The following RBM39 variants were observed in gnomAD, a reference collection of about 807,000 sequenced individuals.
RBM39 encodes RNA binding motif protein 39, also known as RNA-binding protein 39.
In RBM39, 12 loss-of-function variants were observed where a neutral mutation model predicts 79.6. The ratio of observed to expected loss-of-function variants is 0.15; its 90% confidence interval spans 0.10 to 0.24. The LOEUF is 0.24. RBM39 is among the 10% of genes least tolerant of loss of function. RBM39 has a pLI of 1.00. For synonymous variants in RBM39, 185 were observed against 208.4 expected, an observed-to-expected ratio of 0.89 and a Z score of 0.97; for missense variants, 243 against 653.4, an observed-to-expected ratio of 0.37 and a Z score of 6.85.
chr20:35,740,917 T>C (rs914143506), intron 1 of RBM39, 30 bp from the exon 2 acceptor site: 7 of 1,512,160 alleles, frequency 4.6e-6, no homozygotes, highest in Non-Finnish European at 6.4e-6. Flanking sequence ...ATTTCTTGAG[T>C]AAACATTTCT....
chr20:35,732,507 G>A (rs1324358570), intron 3 of RBM39: 2 of 212,910 alleles, frequency 9.4e-6, no homozygotes, highest in African/African-American at 4.6e-5. Flanking sequence ...AGTGAGCCAA[G>A]ATCCCGCCAC....
chr20:35,723,075 T>C (rs1387912503), intron 8 of RBM39, among the ~76,000 whole-genome samples: 1 of 152,170 alleles, frequency 6.6e-6, no homozygotes, highest in Non-Finnish European at 1.5e-5. Flanking sequence ...CTGGAATTGT[T>C]AGACACAACC....
chr20:35,726,265 G>C (rs773714307), intron 6 of RBM39, among the ~76,000 whole-genome samples: 36 of 152,200 alleles, frequency 2.4e-4, no homozygotes, highest in Non-Finnish European at 5.1e-4. Context: ...CCGAGTAGCT[G>C]GGACTACAGG....
At chr20:35,731,824 C>A in intron 4 of RBM39, 117 bp downstream of exon 4, 2 of 972,214 alleles carry the variant, frequency 2.1e-6, no homozygotes, top group South Asian at 3.0e-5. Context: ...TAATTCAATA[C>A]TTTTTAACCA....
At chr20:35,714,643 G>T (rs1239728425) in intron 10 of RBM39, among the ~76,000 whole-genome samples, 1 of 152,124 alleles carries the variant, frequency 6.6e-6, no homozygotes, top group Admixed American at 6.5e-5. Flanking sequence ...AGAACATGGG[G>T]ATTGTGGTTA....
intron 4 of RBM39, among the ~76,000 whole-genome samples, chr20:35,730,294 C>T (rs1007300662): frequency 2.0e-5 from 3 of 152,290 alleles, no homozygotes; most frequent in African/African-American, 4.8e-5. Flanking sequence ...ACCAGGCTAA[C>T]TTAAAGGGAC....
At chr20:35,722,791 G>A (rs1600509144) in intron 8 of RBM39, among the ~76,000 whole-genome samples, 2 of 151,914 alleles carry the variant, frequency 1.3e-5, no homozygotes, top group Non-Finnish European at 2.9e-5. Flanking sequence ...AAAATTAGCC[G>A]GGCGTGGTGG....
chr20:35,728,251 A>G (rs2038977500), intron 6 of RBM39, among the ~76,000 whole-genome samples: 1 of 152,220 alleles, frequency 6.6e-6, no homozygotes, highest in Non-Finnish European at 1.5e-5. Context: ...GCTATTTCAA[A>G]TAACTCATTA....
At chr20:35,719,162 C>G (rs1440525343) in intron 9 of RBM39, among the ~76,000 whole-genome samples, 1 of 152,028 alleles carries the variant, frequency 6.6e-6, no homozygotes, top group Non-Finnish European at 1.5e-5. Context: ...CCAGAGTAAG[C>G]TGGAACTACA....
At chr20:35,721,930 A>C (rs1479821565) in intron 8 of RBM39, 53 bp from the exon 9 acceptor site, 90 of 1,559,120 alleles carry the variant, frequency 5.8e-5, no homozygotes, top group Non-Finnish European at 7.6e-5. Flanking sequence ...GTTTAAAGAC[A>C]TACACCTTCC....
At chr20:35,736,688 G>C in intron 3 of RBM39, 1 of 431,916 alleles carries the variant, frequency 2.3e-6, no homozygotes, top group Non-Finnish European at 4.8e-6. Flanking sequence ...GTCTCGCTCT[G>C]TCTCCAGGCT....
chr20:35,723,563 T>C (rs539170180), intron 8 of RBM39, among the ~76,000 whole-genome samples: 2 of 152,282 alleles, frequency 1.3e-5, no homozygotes, highest in East Asian at 3.9e-4. Context: ...CTCGGCCTCC[T>C]GAGTAGCTGG....
chr20:35,721,857 T>A lies in RBM39; in HGVS notation c.708A>T (p.Ala236=), dbSNP rs756660831. ...QASQAEKNRA[A]AMANNLQKGS... Reference sequence around the variant, plus strand: ...CCTTTTGTAAATTGTTTGCCATTGCTGCAGCTCTGTTTTTTTCTGCCTAGA... The same window carrying A: ...CCTTTTGTAAATTGTTTGCCATTGCAGCAGCTCTGTTTTTTTCTGCCTAGA... Residue 236 remains alanine, a synonymous_variant, in exon 9 of 17, where the codon GCA becomes GCT. Transcript: ENST00000253363. 1 of 1,614,034 alleles carries A rather than the reference T, an allele frequency of 6.2e-7. No homozygotes were observed. Among genetic ancestry groups the A allele is most frequent in the South Asian group, 1.1e-5 (1 of 91,086 alleles).
intron 3 of RBM39, chr20:35,736,468 CATT>C (rs1368817451): frequency 2.6e-6 from 1 of 391,472 alleles, no homozygotes; most frequent in South Asian, 1.9e-5. Context: ...CCCTGAATAA[CATT>C]ATATATTTTC....
At chr20:35,716,691 G>T (rs774006256) in intron 10 of RBM39, 49 bp downstream of exon 10, 102 of 1,159,336 alleles carry the variant, frequency 8.8e-5, no homozygotes, top group Non-Finnish European at 1.2e-4. Flanking sequence ...AGCAAATGTA[G>T]TTTAAAAAAA....
At chr20:35,722,869 G>A (rs987051097) in intron 8 of RBM39, among the ~76,000 whole-genome samples, 1 of 151,370 alleles carries the variant, frequency 6.6e-6, no homozygotes, top group African/African-American at 2.4e-5. Flanking sequence ...AGGAGACGGA[G>A]CTTGCAGTGA....
chr20:35,705,023 CCT>C (rs1315923494), intron 15 of RBM39, 200 bp downstream of exon 15: 6 of 581,812 alleles, frequency 1.0e-5, no homozygotes, highest in African/African-American at 5.7e-5. Flanking sequence ...TACTAGAAAT[CCT>C]CTCATACCCT....
intron 15 of RBM39, 129 bp downstream of exon 15, chr20:35,705,096 C>T: frequency 1.5e-6 from 1 of 660,774 alleles, no homozygotes; most frequent in Non-Finnish European, 2.6e-6. Flanking sequence ...TATATTAAAG[C>T]TACTTTCAGG....
rs2035319824 is a variant in RBM39 at position 35,702,301 on chromosome 20, A to G, written c.*2180T>C. The G allele has an allele frequency of 6.6e-6, 1 of 152,250 alleles. No individual in the cohort carries two copies. The highest frequency in any genetic ancestry group is 1.5e-5 in the Non-Finnish European group (1 of 68,062). 9.4% of individuals were successfully genotyped at this position (152,250 alleles called of 1,614,324 possible). The stretch of plus-strand genomic sequence containing the variant: ...AGTTACAGATTTTCGAACCAGTGGG[A>G]TGCTGACTCAGGAACTGATTGGACA... On this transcript the variant is annotated 3_prime_UTR_variant, in exon 17 of 17. Coordinates refer to ENST00000253363, the MANE Select transcript of RBM39 (RefSeq NM_184234.3).
Sources: allele counts gnomAD v4.1 joint callset (sites outside exome capture counted in the v4.1 genomes callset), GRCh38; gene constraint gnomAD v4.1.1; transcripts MANE v1.5; gene names NCBI Gene and HGNC (gene_info 2026-07-23, HGNC 2026-07-21).